The following MAPT variants were observed in gnomAD, a reference collection of about 807,000 sequenced individuals.
MAPT encodes the protein microtubule-associated protein tau.
MAPT carries 34 observed loss-of-function variants against 67.9 expected under a neutral mutation model. That is an observed-to-expected ratio of 0.50 (90% CI 0.38 to 0.67). MAPT has a LOEUF of 0.67. MAPT is among the 30% of genes least tolerant of loss of function. The probability of loss-of-function intolerance (pLI) is 0.00; values close to 1 mark genes in which losing one functional copy is unlikely to be tolerated. For synonymous variants in MAPT, 456 were observed against 464.5 expected (o/e 0.98, Z 0.23); for missense variants, 881 against 1,115.2 (o/e 0.79, Z 2.99).
Position 45,989,979 on chromosome 17 carries a change from C to T in MAPT, c.1509C>T (p.Ser503=). 1 of 1,614,202 alleles carries T rather than the reference C, an allele frequency of 6.2e-7. No individual in the cohort carries two copies. The highest frequency in any genetic ancestry group is 8.5e-7 in the Non-Finnish European group (1 of 1,180,016). ...CAGACCCTCTGATCCAACCCTCCAGCCCTGCTGTGTGCCCAGAGCCACCTT... is the reference window on the plus strand; with the variant it reads ...CAGACCCTCTGATCCAACCCTCCAGTCCTGCTGTGTGCCCAGAGCCACCTT... ...GSSDPLIQPS[S]PAVCPEPPSS... is the part of the protein sequence containing the mutation. Residue 503 remains serine, a synonymous_variant, in exon 7 of 13, where the codon AGC becomes AGT. Transcript: ENST00000262410.
At chr17:46,008,863 G>A (rs939789068) in intron 9 of MAPT, among the ~76,000 whole-genome samples, 1 of 152,002 alleles carries the variant, frequency 6.6e-6, no homozygotes, top group African/African-American at 2.4e-5. Flanking sequence ...TCCTTCACTG[G>A]GATCACCACT....
At position 46,024,668 on chromosome 17, in the gene MAPT, T is replaced by A; in HGVS notation, c.*497T>A. ...ACAGGCAGACGATGTCAACCTTGTGTGAGTGTGACGGGGGTTGGGGTGGGG... is the reference window on the plus strand; with the variant it reads ...ACAGGCAGACGATGTCAACCTTGTGAGAGTGTGACGGGGGTTGGGGTGGGG... On this transcript the variant is annotated 3_prime_UTR_variant, in exon 13 of 13. Transcript: ENST00000262410. 1 of 139,658 alleles carries A rather than the reference T, an allele frequency of 7.2e-6. No homozygotes were observed. Among genetic ancestry groups the A allele is most frequent in the Non-Finnish European group, 1.3e-5 (1 of 75,270 alleles). The allele number at this position is 139,658 out of a possible 1,614,324, so 8.7% of individuals were successfully genotyped here.
chr17:46,004,932 C>T (rs555414975), intron 9 of MAPT, among the ~76,000 whole-genome samples: 37 of 152,204 alleles, frequency 2.4e-4, no homozygotes, highest in Admixed American at 1.2e-3. Context: ...TGCAGGTGCC[C>T]GCCACCACAC....
chr17:45,985,224 G>A (rs576971984), intron 5 of MAPT, among the ~76,000 whole-genome samples: 15 of 152,272 alleles, frequency 9.9e-5, no homozygotes, highest in African/African-American at 3.1e-4. Context: ...ATAAGTGCTT[G>A]AACCCAGGAG....
chr17:45,909,191 A>C (rs2144092075), intron 1 of MAPT, among the ~76,000 whole-genome samples: 1 of 151,728 alleles, frequency 6.6e-6, no homozygotes, highest in East Asian at 2.0e-4. Context: ...TAGACCACGA[A>C]CACCCTGTGC....
chr17:46,000,960 G>A (rs1351150429), intron 9 of MAPT, among the ~76,000 whole-genome samples: 2 of 152,230 alleles, frequency 1.3e-5, no homozygotes, highest in Non-Finnish European at 2.9e-5. Flanking sequence ...GCCAGGTGTG[G>A]TGGCTCACAC....
At chr17:45,992,032 T>C (rs1213270032) in intron 8 of MAPT, among the ~76,000 whole-genome samples, 2 of 152,058 alleles carry the variant, frequency 1.3e-5, no homozygotes, top group Non-Finnish European at 2.9e-5. Flanking sequence ...GTGATCCACC[T>C]GCCTCGGCCT....
intron 1 of MAPT, among the ~76,000 whole-genome samples, chr17:45,960,886 G>A (rs929626538): frequency 6.6e-5 from 10 of 150,848 alleles, no homozygotes; most frequent in Non-Finnish European, 7.4e-5. Context: ...CATGAGCTAC[G>A]AATATGAAAA....
intron 1 of MAPT, among the ~76,000 whole-genome samples, chr17:45,932,294 T>G (rs1449769247): frequency 6.6e-6 from 1 of 151,352 alleles, no homozygotes; most frequent in Non-Finnish European, 1.5e-5. Context: ...TCTGAACCAT[T>G]AAGAATTTAC....
Position 46,014,316 on chromosome 17 carries a change from A to G in MAPT, c.2165A>G (p.His722Arg). ...TGTGGCTCATTAGGCAACATCCATC[A>G]TAAACCAGGTAGCCCTGTGGAAGGT... ...SKCGSLGNIH[H>R]KPGGGQVEVK... Residue 722 changes from histidine to arginine, a missense_variant, in exon 11 of 13, where the codon CAT (histidine) becomes CGT (arginine). Physicochemically the swap from His to Arg is conservative, Grantham distance 29 (BLOSUM62 0). Around this residue, in one of 6 missense-constraint regions of MAPT, gnomAD observed 79 missense variants for 150.9 expected, o/e 0.52. Coordinates refer to ENST00000262410, the MANE Select transcript of MAPT (RefSeq NM_001377265.1). The G allele has an allele frequency of 6.2e-7, 1 of 1,613,564 alleles. No homozygotes were observed. The highest frequency in any genetic ancestry group is 8.5e-7 in the Non-Finnish European group (1 of 1,179,500).
intron 3 of MAPT, chr17:45,974,383 A>C (rs2072082404): frequency 3.8e-6 from 6 of 1,583,860 alleles, no homozygotes; most frequent in Non-Finnish European, 5.1e-6. Context: ...GGTGGTTTCT[A>C]GATGTGACAG....
chr17:45,903,870 ATT>A (rs1568132438), intron 1 of MAPT, among the ~76,000 whole-genome samples: 2 of 42,146 alleles, frequency 4.7e-5, no homozygotes, highest in African/African-American at 1.7e-4. Flanking sequence ...TATATTATAT[ATT>A]ATATATTTAT....
chr17:45,974,521 C>CA, intron 3 of MAPT: 1 of 1,404,670 alleles, frequency 7.1e-7, no homozygotes, highest in Non-Finnish European at 9.9e-7. Flanking sequence ...CTGCTGGGTG[C>CA]CCCAGCTGAC....
At chr17:45,908,231 C>T (rs74509629) in intron 1 of MAPT, 21,835 of 152,230 alleles carry the variant, frequency 0.14, 2,137 homozygotes, top group Middle Eastern at 0.22. Flanking sequence ...ATTTTTCTTC[C>T]GGCTCACATC....
At chr17:45,907,480 T>C (rs1411525662) in intron 1 of MAPT, among the ~76,000 whole-genome samples, 1 of 152,170 alleles carries the variant, frequency 6.6e-6, no homozygotes, top group Admixed American at 6.5e-5. Context: ...GACTGTGTCT[T>C]ATGTGACTTT....
chr17:45,972,192 C>G, intron 3 of MAPT: 2 of 667,484 alleles, frequency 3.0e-6, no homozygotes, highest in East Asian at 5.8e-5. Context: ...CCGCGCACAG[C>G]TCCACAAAGC....
chr17:46,014,126 C>G, intron 10 of MAPT, 117 bp from the exon 11 acceptor site: 1 of 717,952 alleles, frequency 1.4e-6, no homozygotes, highest in East Asian at 2.7e-5. Context: ...TGGGCTTACA[C>G]AGCTGCTTCT....
intron 9 of MAPT, among the ~76,000 whole-genome samples, chr17:46,009,651 G>T (rs973584771): frequency 1.3e-5 from 2 of 152,232 alleles, no homozygotes; most frequent in South Asian, 4.1e-4. Context: ...CCCCACATTT[G>T]TCTTCCCCAC....
At chr17:45,921,833 G>A (rs2144423438) in intron 1 of MAPT, among the ~76,000 whole-genome samples, 1 of 152,246 alleles carries the variant, frequency 6.6e-6, no homozygotes, top group South Asian at 2.1e-4. Flanking sequence ...AGGGAAAGAA[G>A]GACGTCTTGG....
Sources: allele counts gnomAD v4.1 joint callset (sites outside exome capture counted in the v4.1 genomes callset), GRCh38; gene constraint gnomAD v4.1.1; regional missense constraint gnomAD v4.1.1; transcripts MANE v1.5; gene names NCBI Gene and HGNC (gene_info 2026-07-23, HGNC 2026-07-21).